KMT2C: variants seen among roughly 807,000 people sequenced by gnomAD.
KMT2C encodes the protein lysine methyltransferase 2C.
Under a neutral mutation model 507.9 loss-of-function variants are expected in KMT2C, and 88 were observed. The observed-to-expected ratio is 0.17, with a 90% CI of 0.15 to 0.21. KMT2C has a LOEUF of 0.21. Among genes scored for constraint, KMT2C ranks in the 10% least tolerant of loss-of-function variants. The pLI, the probability that KMT2C is intolerant of heterozygous loss-of-function variation, is 1.00. For synonymous variants in KMT2C, 2,049 were observed against 2,080.8 expected, an observed-to-expected ratio of 0.98 and a Z score of 0.42; for missense variants, 4,954 against 5,957.8, an observed-to-expected ratio of 0.83 and a Z score of 5.55.
Position 152,163,453 on chromosome 7 carries a change from G to C in KMT2C, c.10124C>G (p.Pro3375Arg), listed in dbSNP as rs911667347. ...TACCCGAGGTGGTGGTCCACTCTGT[G>C]GATTTGCATTTGAGACTGTCCCTGG... is the stretch of plus-strand genomic sequence containing the variant. ...PAPGTVSNAN[P>R]QSGPPPRVEF... The change falls in exon 43 of 59, where the codon CCA becomes CGA. Residue 3375 changes from proline to arginine, a missense_variant. Transcript: ENST00000262189. The C allele has an allele frequency of 1.9e-6, 3 of 1,614,200 alleles. No individual in the cohort carries two copies. The highest frequency in any genetic ancestry group is 3.3e-4 in the Middle Eastern group (2 of 6,062).
intron 9 of KMT2C, 28 bp downstream of exon 9, chr7:152,262,988 T>TAAA (rs746399595): frequency 6.5e-7 from 1 of 1,546,556 alleles, no homozygotes; most frequent in South Asian, 1.2e-5. Flanking sequence ...AGAGAGGATT[T>TAAA]AAAAAAATAA....
At chr7:152,398,677 A>C (rs1433605669) in intron 1 of KMT2C, among the ~76,000 whole-genome samples, 3 of 151,112 alleles carry the variant, frequency 2.0e-5, no homozygotes, top group Non-Finnish European at 4.4e-5. Flanking sequence ...TGAGATTATA[A>C]GCGTGAGCCC....
At chr7:152,204,632 T>TAGAC (rs1193694001) in intron 25 of KMT2C, among the ~76,000 whole-genome samples, 18 of 136,166 alleles carry the variant, frequency 1.3e-4, no homozygotes, top group Admixed American at 3.7e-4. Flanking sequence ...GATAGATAGA[T>TAGAC]AGATAGACAG....
At chr7:152,409,536 A>T (rs967703176) in intron 1 of KMT2C, among the ~76,000 whole-genome samples, 1 of 149,670 alleles carries the variant, frequency 6.7e-6, no homozygotes, top group Non-Finnish European at 1.5e-5. Flanking sequence ...GCTACCACAC[A>T]GTGAAACCCC....
At chr7:152,338,272 G>C (rs1439282007) in intron 2 of KMT2C, among the ~76,000 whole-genome samples, 2 of 152,160 alleles carry the variant, frequency 1.3e-5, no homozygotes, top group African/African-American at 4.8e-5. Context: ...CTATGCTCCA[G>C]AGTTAATATA....
chr7:152,333,362 A>AATC (rs2096901942), intron 2 of KMT2C, among the ~76,000 whole-genome samples: 2 of 152,134 alleles, frequency 1.3e-5, no homozygotes, highest in Admixed American at 1.3e-4. Flanking sequence ...CCTGGCCTCA[A>AATC]ATCATCCTCC....
chr7:152,284,476 A>G (rs1177274046), intron 6 of KMT2C, among the ~76,000 whole-genome samples: 3 of 152,170 alleles, frequency 2.0e-5, no homozygotes, highest in Non-Finnish European at 4.4e-5. Flanking sequence ...TGGATTTTTT[A>G]AACCTACAAC....
intron 1 of KMT2C, among the ~76,000 whole-genome samples, chr7:152,434,825 C>A (rs576023978): frequency 5.9e-5 from 9 of 152,314 alleles, no homozygotes; most frequent in Admixed American, 2.6e-4. Flanking sequence ...TATTCCCAAG[C>A]CCCTTACAGC....
In KMT2C at chr7:152,179,444, C is replaced by T. The variant is rs527547319; in HGVS notation, c.7442+390G>A. 9.2e-5 allele frequency among the ~76,000 whole-genome samples: 14 copies of T among 152,266 alleles called. No individual in the cohort carries two copies. In the South Asian group the frequency reaches 2.9e-3, roughly 32 times the overall value. ...GCATCATTAAGGGTGCAAGGTAATG[C>T]TAACACAGTTAATACTTAAAAACAA... On this transcript the variant is annotated intron_variant, in intron 37 of 58. Transcript: ENST00000262189.
chr7:152,343,238 TAGAC>T (rs1434442572), intron 2 of KMT2C, among the ~76,000 whole-genome samples: 27 of 152,144 alleles, frequency 1.8e-4, no homozygotes, highest in African/African-American at 6.3e-4. Flanking sequence ...ATGGATAAAG[TAGAC>T]AGCATGCAAG....
chr7:152,226,219 C>CTTTTTTTTTTTTTTTTTTTTTTTT (rs869076803), intron 18 of KMT2C, among the ~76,000 whole-genome samples: 2 of 94,958 alleles, frequency 2.1e-5, no homozygotes, highest in African/African-American at 4.2e-5. Flanking sequence ...ATTACAAGGC[C>CTTTTTTTTTTTTTTTTTTTTTTTT]TTTTTTTTTT....
intron 1 of KMT2C, among the ~76,000 whole-genome samples, chr7:152,365,248 C>T (rs2097232227): frequency 1.3e-5 from 2 of 152,316 alleles, no homozygotes; most frequent in South Asian, 4.1e-4. Flanking sequence ...CAGTGGCTCA[C>T]GCCTATAATC....
At chr7:152,208,367 G>C (rs1456025330) in intron 23 of KMT2C, among the ~76,000 whole-genome samples, 12 of 152,136 alleles carry the variant, frequency 7.9e-5, no homozygotes, top group Non-Finnish European at 1.6e-4. Context: ...CTGTATTAAA[G>C]AATTCCTGAT....
intron 6 of KMT2C, among the ~76,000 whole-genome samples, chr7:152,276,547 G>A (rs2096082851): frequency 6.6e-6 from 1 of 152,128 alleles, no homozygotes; most frequent in Admixed American, 6.5e-5. Flanking sequence ...GAGCTCAGGA[G>A]TTAGAAACCA....
At chr7:152,176,044 A>C in intron 38 of KMT2C, 147 bp downstream of exon 38, 1 of 909,824 alleles carries the variant, frequency 1.1e-6, no homozygotes, top group Non-Finnish European at 1.6e-6. Context: ...CTCCGTCTCA[A>C]AACAAAACAA....
intron 48 of KMT2C, 42 bp downstream of exon 48, chr7:152,153,968 G>A: frequency 1.3e-6 from 2 of 1,598,390 alleles, no homozygotes; most frequent in Non-Finnish European, 1.7e-6. Flanking sequence ...TTGAAAATTG[G>A]GGACATACTG....
rs1317882688 is a variant in KMT2C, at chr7:152,150,927, A to C, written c.12747T>G (p.Thr4249=). ...SNNCFILYSS[T]AQAKNSENKE... Reference sequence around the variant, plus strand: ...TGTTTTCTGAGTTTTTCGCTTGTGCAGTTGATGAATAAAGAATAAAGCAGT... The same window carrying C: ...TGTTTTCTGAGTTTTTCGCTTGTGCCGTTGATGAATAAAGAATAAAGCAGT... Residue 4249 remains threonine (T), a synonymous_variant, in exon 51 of 59, where the codon ACT becomes ACG. Coordinates refer to ENST00000262189, the MANE Select transcript of KMT2C (RefSeq NM_170606.3). The C allele has an allele frequency of 5.0e-6, 8 of 1,612,398 alleles. No individual in the cohort carries two copies. The highest frequency in any genetic ancestry group is 1.3e-5 in the African/African-American group (1 of 74,872).
In KMT2C at chr7:152,330,731, C is replaced by G; in HGVS notation, c.259G>C (p.Glu87Gln). Residue 87 changes from glutamate to glutamine, a missense_variant, in exon 3 of 59, where the codon GAA (glutamate) becomes CAA (glutamine). Coordinates refer to ENST00000262189, the MANE Select transcript of KMT2C (RefSeq NM_170606.3). Reference protein sequence around the residue: ...TETIVETEIKEQSAEEDAEAE... With the variant: ...TETIVETEIKQQSAEEDAEAE... ...TCAGCATCCTCTTCTGCAGATTGTT[C>G]TTTGATTTCTGCTTAACAGTAAACA... is the stretch of plus-strand genomic sequence containing the variant. 1.2e-6 allele frequency: 2 copies of G among 1,613,706 alleles called. No homozygotes were observed. Among genetic ancestry groups the G allele is most frequent in the Non-Finnish European group, 1.7e-6 (2 of 1,179,868 alleles).
rs537408830 is a variant in KMT2C at position 152,262,992 on chromosome 7, A to C, written c.1299+24T>G. 1.9e-6 allele frequency: 3 copies of C among 1,560,892 alleles called. No homozygotes were observed. In the African/African-American group the frequency reaches 4.1e-5, roughly 21 times the overall value. ...ATATAAAACATAGAGAGGATTTAAAAAAATAAATAAATAAACAACTTACTT... is the reference window on the plus strand; with the variant it reads ...ATATAAAACATAGAGAGGATTTAAACAAATAAATAAATAAACAACTTACTT... On this transcript the variant is annotated intron_variant, in intron 9 of 58. Coordinates refer to ENST00000262189, the MANE Select transcript of KMT2C (RefSeq NM_170606.3).
Sources: allele counts gnomAD v4.1 joint callset (sites outside exome capture counted in the v4.1 genomes callset), GRCh38; gene constraint gnomAD v4.1.1; transcripts MANE v1.5; gene names NCBI Gene and HGNC (gene_info 2026-07-23, HGNC 2026-07-21).